Variants in SV2C observed in about 807,000 individuals in gnomAD.
SV2C encodes solute carrier family 22 member B3.
Under a neutral mutation model 79.7 loss-of-function variants are expected in SV2C, and 49 were observed. The ratio of observed to expected loss-of-function variants is 0.61; its 90% confidence interval spans 0.49 to 0.78. The LOEUF (loss-of-function observed/expected upper bound fraction) is 0.78. Among genes scored for constraint, SV2C ranks in the 30% least tolerant of loss-of-function variants. SV2C has a pLI of 0.00. For synonymous variants in SV2C, 334 were observed against 333.2 expected, an observed-to-expected ratio of 1.00 and a Z score of -0.03; for missense variants, 833 against 912.9, an observed-to-expected ratio of 0.91 and a Z score of 1.13.
intron 10 of SV2C, 29 bp from the exon 11 acceptor site, chr5:76,300,700 A>C (rs1475965812): frequency 6.2e-7 from 1 of 1,606,576 alleles, no homozygotes. Context: ...TAAGAGCTTG[A>C]TGAATTGTCT....
chr5:76,308,274 G>T lies in SV2C; in HGVS notation c.2000+6729G>T, dbSNP rs572423175. 3.3e-4 allele frequency among the ~76,000 whole-genome samples: 51 copies of T among 152,276 alleles called. 2 individuals carry two copies. The South Asian group carries it at 6.4e-3, about 19-fold the overall frequency. ...AAGCTCCAGTGACACCCAAGAGTGGGCATTCTCATTACTGCTGGGAGTCCA... is the reference window on the plus strand; with the variant it reads ...AAGCTCCAGTGACACCCAAGAGTGGTCATTCTCATTACTGCTGGGAGTCCA... On this transcript the variant is annotated intron_variant, in intron 12 of 12. Transcript: ENST00000502798.
chr5:76,249,747 G>A (rs1746054369), intron 4 of SV2C, among the ~76,000 whole-genome samples: 1 of 152,214 alleles, frequency 6.6e-6, no homozygotes, highest in Admixed American at 6.5e-5. Context: ...TGATGAAAAT[G>A]ATGGCAGGTA....
chr5:76,124,614 T>G (rs1748640979), intron 1 of SV2C, among the ~76,000 whole-genome samples: 1 of 152,204 alleles, frequency 6.6e-6, no homozygotes. Context: ...TCTCCATTCT[T>G]TTGTGTCTAT....
the SV2C span, among the ~76,000 whole-genome samples, chr5:75,912,216 C>T: frequency 0.033 from 5,039 of 152,242 alleles, 201 homozygotes; most frequent in African/African-American, 0.1. Flanking sequence ...GAAACATAAG[C>T]ACACATACTC....
At chr5:76,029,626 C>G in the SV2C span, among the ~76,000 whole-genome samples, 1 of 151,760 alleles carries the variant, frequency 6.6e-6, no homozygotes, top group Non-Finnish European at 1.5e-5. Context: ...CAAAAATTTA[C>G]ACTTATTATT....
the SV2C span, among the ~76,000 whole-genome samples, chr5:75,878,049 A>T: frequency 6.6e-6 from 1 of 152,264 alleles, no homozygotes. Context: ...TGAATGGTAC[A>T]CTTAAAAAGG....
chr5:75,917,846 G>T, the SV2C span, among the ~76,000 whole-genome samples: 1 of 152,094 alleles, frequency 6.6e-6, no homozygotes, highest in East Asian at 1.9e-4. Flanking sequence ...TTACTCAAAG[G>T]ATAAATGCTT....
chr5:75,993,926 T>G, the SV2C span, among the ~76,000 whole-genome samples: 1 of 151,980 alleles, frequency 6.6e-6, no homozygotes, highest in African/African-American at 2.4e-5. Context: ...TAGAAGGGGA[T>G]GGAAAGCACA....
intron 2 of SV2C, among the ~76,000 whole-genome samples, chr5:76,183,925 C>T (rs1229022916): frequency 1.3e-5 from 2 of 152,016 alleles, no homozygotes; most frequent in Admixed American, 1.3e-4. Flanking sequence ...TCCTTTTTTC[C>T]CCTTAAGCAT....
At chr5:75,988,866 C>G in the SV2C span, among the ~76,000 whole-genome samples, 1 of 151,918 alleles carries the variant, frequency 6.6e-6, no homozygotes, top group Non-Finnish European at 1.5e-5. Context: ...TGGAGTAACT[C>G]TAGAATGTTA....
the SV2C span, among the ~76,000 whole-genome samples, chr5:75,929,233 G>T: frequency 2.0e-5 from 3 of 151,698 alleles, no homozygotes; most frequent in Non-Finnish European, 2.9e-5. Context: ...CAACCACCTC[G>T]CTCTGAGTCT....
At chr5:75,904,400 CAGAGAGAG>C in the SV2C span, among the ~76,000 whole-genome samples, 1,080 of 138,840 alleles carry the variant, frequency 7.8e-3, 3 homozygotes, top group African/African-American at 0.012. Context: ...AAAACAAACC[CAGAGAGAG>C]AGAGAGAGAG....
intron 1 of SV2C, among the ~76,000 whole-genome samples, chr5:76,125,358 CT>C (rs1331242497): frequency 2.9e-4 from 44 of 152,126 alleles, no homozygotes; most frequent in African/African-American, 1.0e-3. Context: ...TTTTATCCTG[CT>C]TCTTTCAATT....
chr5:76,138,206 G>T (rs879467275), intron 2 of SV2C, among the ~76,000 whole-genome samples: 1 of 152,192 alleles, frequency 6.6e-6, no homozygotes, highest in Non-Finnish European at 1.5e-5. Context: ...TAGAGAGCTC[G>T]GTTGGCTTGC....
rs1747960220 is a variant in SV2C at position 76,300,689 on chromosome 5, G to GT, written c.1637-39dup. Reference sequence around the variant, plus strand: ...GCTTTCTTATACTGGTGCATGCCTGGTAAGAGCTTGATGAATTGTCTTTGT... The same window carrying GT: ...GCTTTCTTATACTGGTGCATGCCTGGTTAAGAGCTTGATGAATTGTCTTTGT... On this transcript the variant is annotated intron_variant, in intron 10 of 12. Transcript: ENST00000502798. The GT allele has an allele frequency of 3.8e-6, 6 of 1,596,586 alleles. No homozygotes were observed. The East Asian group carries it at 1.1e-4, about 30-fold the overall frequency.
At chr5:75,981,530 T>C in the SV2C span, among the ~76,000 whole-genome samples, 1 of 152,014 alleles carries the variant, frequency 6.6e-6, no homozygotes, top group Non-Finnish European at 1.5e-5. Flanking sequence ...CATAGACCAA[T>C]GGAACAGAAT....
At chr5:76,232,007 C>T (rs948358008) in intron 4 of SV2C, among the ~76,000 whole-genome samples, 2 of 144,064 alleles carry the variant, frequency 1.4e-5, no homozygotes, top group Non-Finnish European at 2.9e-5. Flanking sequence ...CCTGAGGAAT[C>T]GTCACACCGA....
chr5:76,160,288 A>C (rs988009817), intron 2 of SV2C, among the ~76,000 whole-genome samples: 1 of 152,200 alleles, frequency 6.6e-6, no homozygotes, highest in Non-Finnish European at 1.5e-5. Flanking sequence ...TCAAAAAAGA[A>C]GGACAAACTA....
At chr5:75,869,505 T>G in the SV2C span, among the ~76,000 whole-genome samples, 1 of 152,132 alleles carries the variant, frequency 6.6e-6, no homozygotes, top group Non-Finnish European at 1.5e-5. Flanking sequence ...GAACACCAGG[T>G]AGACCCCTAA....
Sources: allele counts gnomAD v4.1 joint callset (sites outside exome capture counted in the v4.1 genomes callset), GRCh38; gene constraint gnomAD v4.1.1; transcripts MANE v1.5; gene names NCBI Gene and HGNC (gene_info 2026-07-23, HGNC 2026-07-21).